The following LRRTM4 variants were observed in gnomAD, a reference collection of about 807,000 sequenced individuals.
The protein encoded by LRRTM4 is leucine-rich repeat transmembrane neuronal protein 4.
A neutral mutation model predicts 47.6 loss-of-function variants in LRRTM4; 25 were observed. The observed-to-expected ratio is 0.53, with a 90% CI of 0.38 to 0.73. The LOEUF (loss-of-function observed/expected upper bound fraction) is 0.73, where lower values mean the gene tolerates loss of function less well. Ranked by LOEUF, LRRTM4 falls within the 30% of genes least tolerant of loss-of-function variation. The pLI is 0.00. For missense variants in LRRTM4, 638 were observed against 713.4 expected, an observed-to-expected ratio of 0.89 and a Z score of 1.20; for synonymous variants, 311 against 269.5, an observed-to-expected ratio of 1.15 and a Z score of -1.51.
intron 3 of LRRTM4, among the ~76,000 whole-genome samples, chr2:77,038,390 G>C (rs1399114559): frequency 6.6e-6 from 1 of 151,496 alleles, no homozygotes; most frequent in East Asian, 1.9e-4. Flanking sequence ...AATAGAATCT[G>C]CTTTGTTTCG....
rs540105971 is a variant in LRRTM4, at chr2:76,931,448, C to T, written c.1552-182532G>A. On this transcript the variant is annotated intron_variant, in intron 3 of 3. Coordinates refer to ENST00000409884, the MANE Select transcript of LRRTM4 (RefSeq NM_001134745.3). ...CCTTGGGTTGTACAGTCTTCCTTGA[C>T]CTTTCTCACAATGTCTTCCTTTAAT... Among the ~76,000 whole-genome samples the T allele has an allele frequency of 1.4e-3, 210 of 152,260 alleles. 1 individual carries two copies. The highest frequency in any genetic ancestry group is 4.9e-3 in the African/African-American group (203 of 41,550).
intron 3 of LRRTM4, among the ~76,000 whole-genome samples, chr2:76,865,684 C>T (rs1318842820): frequency 1.3e-5 from 2 of 152,042 alleles, no homozygotes; most frequent in Non-Finnish European, 2.9e-5. Context: ...AAGATTCTTG[C>T]CTACTTCAAA....
At chr2:76,924,244 T>C (rs1396700579) in intron 3 of LRRTM4, among the ~76,000 whole-genome samples, 2 of 152,146 alleles carry the variant, frequency 1.3e-5, no homozygotes, top group African/African-American at 2.4e-5. Context: ...ATAGGTCTCA[T>C]AATCATGAGA....
intron 3 of LRRTM4, among the ~76,000 whole-genome samples, chr2:77,058,670 C>T (rs973245746): frequency 6.6e-6 from 1 of 151,986 alleles, no homozygotes; most frequent in Admixed American, 6.6e-5. Flanking sequence ...AAAACCAGAA[C>T]ATATATTATT....
intron 3 of LRRTM4, among the ~76,000 whole-genome samples, chr2:77,253,289 C>A (rs528518688): frequency 3.9e-5 from 6 of 152,220 alleles, no homozygotes; most frequent in Non-Finnish European, 7.4e-5. Context: ...GATACTCTTC[C>A]CTACTTTTAC....
At chr2:77,279,535 T>C (rs1326191038) in intron 3 of LRRTM4, among the ~76,000 whole-genome samples, 1 of 151,980 alleles carries the variant, frequency 6.6e-6, no homozygotes, top group Non-Finnish European at 1.5e-5. Context: ...AACTATGGGA[T>C]AACATGCTTT....
At chr2:77,471,903 C>T (rs982622254) in intron 3 of LRRTM4, among the ~76,000 whole-genome samples, 1 of 152,120 alleles carries the variant, frequency 6.6e-6, no homozygotes, top group African/African-American at 2.4e-5. Context: ...TCTGTATTTA[C>T]AACTTTGCCT....
At chr2:77,464,619 C>T (rs997740505) in intron 3 of LRRTM4, among the ~76,000 whole-genome samples, 1 of 151,998 alleles carries the variant, frequency 6.6e-6, no homozygotes, top group African/African-American at 2.4e-5. Flanking sequence ...TTGGATGGAA[C>T]AAGCAGCTCT....
chr2:77,190,212 TC>T (rs1242484919), intron 3 of LRRTM4, among the ~76,000 whole-genome samples: 1 of 151,988 alleles, frequency 6.6e-6, no homozygotes, highest in Non-Finnish European at 1.5e-5. Context: ...TTCTATCAAT[TC>T]ATTTGTATAT....
At chr2:77,303,197 G>A (rs1677178282) in intron 3 of LRRTM4, among the ~76,000 whole-genome samples, 1 of 151,760 alleles carries the variant, frequency 6.6e-6, no homozygotes, top group African/African-American at 2.4e-5. Context: ...GGAGGCGGAG[G>A]TTGCAGTGAG....
At chr2:76,839,619 G>GA (rs1671614141) in intron 3 of LRRTM4, among the ~76,000 whole-genome samples, 1 of 151,934 alleles carries the variant, frequency 6.6e-6, no homozygotes, top group Non-Finnish European at 1.5e-5. Context: ...TGGTTACTCA[G>GA]AAAAAGTGTC....
At chr2:77,358,694 A>G (rs754921499) in intron 3 of LRRTM4, among the ~76,000 whole-genome samples, 7 of 152,240 alleles carry the variant, frequency 4.6e-5, no homozygotes, top group African/African-American at 1.2e-4. Context: ...CATTTCTGAT[A>G]TATCATCCCA....
intron 3 of LRRTM4, among the ~76,000 whole-genome samples, chr2:77,068,889 C>T (rs1182552545): frequency 2.6e-5 from 4 of 151,576 alleles, no homozygotes; most frequent in Admixed American, 2.6e-4. Flanking sequence ...CCTGGACCTC[C>T]CAGGGGTGAA....
intron 3 of LRRTM4, among the ~76,000 whole-genome samples, chr2:77,029,049 AC>A (rs201985420): frequency 0.15 from 20,254 of 134,718 alleles, 1,628 homozygotes; most frequent in Admixed American, 0.22. Flanking sequence ...ACACACACAC[AC>A]AAATATATAT....
intron 3 of LRRTM4, among the ~76,000 whole-genome samples, chr2:77,323,812 G>T (rs940052035): frequency 6.6e-6 from 1 of 152,052 alleles, no homozygotes; most frequent in Non-Finnish European, 1.5e-5. Context: ...ACACTATCTA[G>T]CTGTGTGGTC....
intron 3 of LRRTM4, among the ~76,000 whole-genome samples, chr2:76,894,949 T>A (rs1337964221): frequency 6.6e-6 from 1 of 151,582 alleles, no homozygotes; most frequent in African/African-American, 2.4e-5. Flanking sequence ...ATATTTTATC[T>A]TATCAATAAA....
chr2:77,033,743 GC>G (rs1490655262), intron 3 of LRRTM4, among the ~76,000 whole-genome samples: 1 of 151,656 alleles, frequency 6.6e-6, no homozygotes, highest in Non-Finnish European at 1.5e-5. Context: ...TATCAATAGG[GC>G]TGTTTTGTTT....
chr2:76,943,396 A>G (rs1173168699), intron 3 of LRRTM4, among the ~76,000 whole-genome samples: 6 of 152,172 alleles, frequency 3.9e-5, no homozygotes, highest in Non-Finnish European at 8.8e-5. Context: ...AGATCGCACC[A>G]CTGCACCCCC....
chr2:77,035,847 G>T (rs1238505053), intron 3 of LRRTM4, among the ~76,000 whole-genome samples: 1 of 151,732 alleles, frequency 6.6e-6, no homozygotes, highest in East Asian at 1.9e-4. Context: ...GTACCACAAT[G>T]GCATCTAACA....
Sources: allele counts gnomAD v4.1 joint callset (sites outside exome capture counted in the v4.1 genomes callset), GRCh38; gene constraint gnomAD v4.1.1; transcripts MANE v1.5; gene names NCBI Gene and HGNC (gene_info 2026-07-23, HGNC 2026-07-21).